Variants in DNAJC5B observed in about 807,000 individuals in gnomAD.
The protein encoded by DNAJC5B is dnaJ homolog subfamily C member 5B.
DNAJC5B carries 23 observed loss-of-function variants against 24.7 expected under a neutral mutation model. That is an observed-to-expected ratio of 0.93 (90% CI 0.67 to 1.32). The LOEUF is 1.32. Ranked by LOEUF, DNAJC5B falls within the 40% of genes most tolerant of loss-of-function variation. The probability of loss-of-function intolerance (pLI) is 0.00; values close to 1 mark genes in which losing one functional copy is unlikely to be tolerated. For synonymous variants in DNAJC5B, 101 were observed against 90.1 expected, an observed-to-expected ratio of 1.12 and a Z score of -0.68; for missense variants, 238 against 240.8, an observed-to-expected ratio of 0.99 and a Z score of 0.08.
At chr8:66,018,869 A>G (rs1387365041), upstream of DNAJC5B, among the ~76,000 whole-genome samples, 1 of 152,200 alleles carries the variant, frequency 6.6e-6, no homozygotes, top group Admixed American at 6.5e-5. Flanking sequence ...CCTCCTCCAT[A>G]ACTAAGCAAA....
chr8:66,063,859 T>A (rs1317707463), intron 3 of DNAJC5B, among the ~76,000 whole-genome samples: 1 of 152,226 alleles, frequency 6.6e-6, no homozygotes, highest in Non-Finnish European at 1.5e-5. Flanking sequence ...GTTTTGCTTG[T>A]CTTTGAGACA....
At chr8:66,058,488 G>C (rs902344392) in intron 3 of DNAJC5B, among the ~76,000 whole-genome samples, 1 of 152,170 alleles carries the variant, frequency 6.6e-6, no homozygotes, top group African/African-American at 2.4e-5. Context: ...CTCTGATTCA[G>C]GGAATCACAA....
chr8:66,019,856 A>G (rs1163752461), upstream of DNAJC5B, among the ~76,000 whole-genome samples: 1 of 152,248 alleles, frequency 6.6e-6, no homozygotes, highest in Non-Finnish European at 1.5e-5. Context: ...CATATCCATA[A>G]TGGTTCTCTT....
At chr8:66,029,048 G>C (rs1806306142) in intron 1 of DNAJC5B, among the ~76,000 whole-genome samples, 1 of 152,086 alleles carries the variant, frequency 6.6e-6, no homozygotes, top group African/African-American at 2.4e-5. Flanking sequence ...TTGCCTCCAT[G>C]GTCTTGCTCA....
intron 3 of DNAJC5B, among the ~76,000 whole-genome samples, chr8:66,062,880 T>C (rs1044907289): frequency 6.6e-6 from 1 of 151,778 alleles, no homozygotes; most frequent in African/African-American, 2.4e-5. Flanking sequence ...CTTGGTGGCA[T>C]GTGCCTGTGG....
intron 3 of DNAJC5B, chr8:66,057,445 A>G (rs1451382777): frequency 6.6e-6 from 1 of 152,216 alleles, no homozygotes; most frequent in African/African-American, 2.4e-5. Flanking sequence ...ACAATAACAA[A>G]GATCCAACAT....
chr8:66,038,386 G>T (rs1188297423), intron 1 of DNAJC5B, among the ~76,000 whole-genome samples: 1 of 152,160 alleles, frequency 6.6e-6, no homozygotes, highest in East Asian at 1.9e-4. Flanking sequence ...GCTGAGTGAG[G>T]CTCCATTTGA....
chr8:66,016,319 T>C, the DNAJC5B span, among the ~76,000 whole-genome samples: 6 of 152,148 alleles, frequency 3.9e-5, no homozygotes, highest in South Asian at 4.1e-4. Flanking sequence ...TGGGAAGTGA[T>C]TGGATTATGG....
rs531589592 is a variant in DNAJC5B at position 66,095,215 on chromosome 8, T to G, written c.506-4722T>G. 8.8e-4 allele frequency among the ~76,000 whole-genome samples: 134 copies of G among 152,198 alleles called. 1 individual carries two copies. The highest frequency in any genetic ancestry group is 2.9e-3 in the African/African-American group (120 of 41,578). Reference sequence around the variant, plus strand: ...TTCTGAAGAACTTTCTGGGCTAGCATGTAACTGTGCAAATTTTAAACTATT... The same window carrying G: ...TTCTGAAGAACTTTCTGGGCTAGCAGGTAACTGTGCAAATTTTAAACTATT... On this transcript the variant is annotated intron_variant, in intron 5 of 5. Coordinates refer to ENST00000276570, the MANE Select transcript of DNAJC5B (RefSeq NM_033105.6).
At chr8:66,026,883 G>A (rs928111837) in intron 1 of DNAJC5B, among the ~76,000 whole-genome samples, 1 of 152,204 alleles carries the variant, frequency 6.6e-6, no homozygotes, top group Non-Finnish European at 1.5e-5. Context: ...GCTGACCTCC[G>A]GAGGCATGCT....
At chr8:66,036,607 A>C (rs1433820167) in intron 1 of DNAJC5B, among the ~76,000 whole-genome samples, 4 of 152,120 alleles carry the variant, frequency 2.6e-5, no homozygotes, top group Admixed American at 6.5e-5. Context: ...ATGGAAAATC[A>C]AGGTTGATTT....
intron 1 of DNAJC5B, among the ~76,000 whole-genome samples, chr8:66,030,035 T>C (rs1233783110): frequency 2.0e-5 from 3 of 152,218 alleles, no homozygotes; most frequent in Non-Finnish European, 4.4e-5. Context: ...TTCCTGGTAG[T>C]CTTCCTGTTA....
At chr8:66,043,207 C>T (rs1275102380) in intron 1 of DNAJC5B, among the ~76,000 whole-genome samples, 3 of 152,044 alleles carry the variant, frequency 2.0e-5, no homozygotes, top group African/African-American at 7.2e-5. Context: ...ATGTTCTTTC[C>T]AGTAATTTTA....
At chr8:66,091,946 T>C (rs993360409) in intron 5 of DNAJC5B, among the ~76,000 whole-genome samples, 1 of 152,166 alleles carries the variant, frequency 6.6e-6, no homozygotes, top group Non-Finnish European at 1.5e-5. Flanking sequence ...TCCATTTATA[T>C]GAAATATTCA....
chr8:66,063,821 A>G (rs568142679), intron 3 of DNAJC5B, among the ~76,000 whole-genome samples: 7 of 152,334 alleles, frequency 4.6e-5, no homozygotes, highest in Admixed American at 1.3e-4. Flanking sequence ...GCTCAAGTTC[A>G]TCTATCCCAC....
chr8:66,070,623 G>C (rs28855126), intron 3 of DNAJC5B, among the ~76,000 whole-genome samples: 1 of 152,106 alleles, frequency 6.6e-6, no homozygotes, highest in Non-Finnish European at 1.5e-5. Flanking sequence ...TGGCCATACT[G>C]CCCAAAGTAA....
At chr8:66,044,109 C>T (rs966076394) in intron 2 of DNAJC5B, among the ~76,000 whole-genome samples, 4 of 152,170 alleles carry the variant, frequency 2.6e-5, no homozygotes, top group African/African-American at 9.7e-5. Flanking sequence ...AGGTGCGAGC[C>T]CGGCCAAGAG....
chr8:66,024,243 G>A (rs957626710), intron 1 of DNAJC5B, among the ~76,000 whole-genome samples: 7 of 152,064 alleles, frequency 4.6e-5, no homozygotes, highest in African/African-American at 1.7e-4. Context: ...TTCCATCATG[G>A]CATAGGCTTT....
chr8:66,038,023 G>A (rs1409169953), intron 1 of DNAJC5B, among the ~76,000 whole-genome samples: 1 of 152,228 alleles, frequency 6.6e-6, no homozygotes, highest in Non-Finnish European at 1.5e-5. Flanking sequence ...GACCGCTGCA[G>A]GGTCTACCTG....
Sources: allele counts gnomAD v4.1 joint callset (sites outside exome capture counted in the v4.1 genomes callset), GRCh38; gene constraint gnomAD v4.1.1; transcripts MANE v1.5; gene names NCBI Gene and HGNC (gene_info 2026-07-23, HGNC 2026-07-21).